Variants in POU2F2 observed in about 807,000 individuals in gnomAD.
POU2F2 encodes the protein POU domain, class 2, transcription factor 2.
In POU2F2, 14 loss-of-function variants were observed where a neutral mutation model predicts 63.5. The ratio of observed to expected loss-of-function variants is 0.22; its 90% confidence interval spans 0.15 to 0.34. POU2F2 has a LOEUF of 0.34. Among genes scored for constraint, POU2F2 ranks in the 10% least tolerant of loss-of-function variants. POU2F2 has a pLI of 1.00. For missense variants in POU2F2, 607 were observed against 815.2 expected (o/e 0.74, Z 3.11); for synonymous variants, 306 against 348.6 (o/e 0.88, Z 1.36).
intron 1 of POU2F2, among the ~76,000 whole-genome samples, chr19:42,174,115 T>C (rs2034824798): frequency 6.6e-6 from 1 of 152,086 alleles, no homozygotes; most frequent in African/African-American, 2.4e-5. Flanking sequence ...AACTCAGCCA[T>C]ACGCCCGCGA....
intron 5 of POU2F2, among the ~76,000 whole-genome samples, chr19:42,103,827 G>C (rs2077234853): frequency 6.6e-6 from 1 of 151,700 alleles, no homozygotes; most frequent in Non-Finnish European, 1.5e-5. Context: ...TAGAGACGAG[G>C]TTTCACCGTG....
chr19:42,099,212 T>G, intron 7 of POU2F2: 3 of 296,560 alleles, frequency 1.0e-5, no homozygotes, highest in Non-Finnish European at 1.3e-5. Flanking sequence ...CCCCTTGCAA[T>G]TTTGTGTGTT....
At chr19:42,142,706 G>A (rs1203966022) in intron 2 of POU2F2, among the ~76,000 whole-genome samples, 1 of 152,118 alleles carries the variant, frequency 6.6e-6, no homozygotes, top group East Asian at 1.9e-4. Flanking sequence ...GGGACCAAAG[G>A]CACATGCTAC....
chr19:42,122,541 G>T lies in POU2F2; in HGVS notation c.64C>A (p.Gln22Lys). 1 of 1,605,316 alleles carries T rather than the reference G, an allele frequency of 6.2e-7. No individual in the cohort carries two copies. ...TGCTCTGATGGGGAGTCCAGACCTT[G>T]CTTCTCGGCCTCCAGGGGCTTAGAC... Reference protein sequence around the residue: ...RMSKPLEAEKQGLDSPSEHTD... With the variant: ...RMSKPLEAEKKGLDSPSEHTD... The change falls in exon 2 of 15, where the codon CAA becomes AAA. Residue 22 changes from glutamine (Q) to lysine (K), a missense_variant. Coordinates refer to ENST00000692977, the MANE Select transcript of POU2F2 (RefSeq NM_001394376.1).
chr19:42,107,020 C>T (rs1353843890), intron 5 of POU2F2, among the ~76,000 whole-genome samples: 1 of 151,690 alleles, frequency 6.6e-6, no homozygotes, highest in Non-Finnish European at 1.5e-5. Context: ...AGGGAGACAC[C>T]CGTCTCCAAA....
At position 42,095,529 on chromosome 19, in the gene POU2F2, G is replaced by A. The variant is rs557141601; in HGVS notation, c.1020+16C>T. ...CACCCCTCAGGTGAGGGCCACCCAG[G>A]AGAGGGGGGCCTCACCGCTAGAAAA... On this transcript the variant is annotated intron_variant, in intron 10 of 14. Transcript: ENST00000692977. This position sits in a 1 kb window ranked among gnomAD's most constrained non-coding sequence, Gnocchi z 7.1. 1.9e-6 allele frequency: 3 copies of A among 1,601,084 alleles called. No individual in the cohort carries two copies. Among genetic ancestry groups the A allele is most frequent in the East Asian group, 4.5e-5 (2 of 44,634 alleles).
At chr19:42,191,688 G>A (rs1162369096) in intron 1 of POU2F2, among the ~76,000 whole-genome samples, 1 of 152,174 alleles carries the variant, frequency 6.6e-6, no homozygotes, top group African/African-American at 2.4e-5. Flanking sequence ...GAAAACAGAG[G>A]GATCAAGGGA....
intron 1 of POU2F2, among the ~76,000 whole-genome samples, chr19:42,183,706 G>A (rs115157618): frequency 4.3e-4 from 65 of 152,302 alleles, no homozygotes; most frequent in African/African-American, 1.5e-3. Flanking sequence ...AGTGACGGAA[G>A]GCTTCTGAGA....
chr19:42,100,496 A>G (rs372502430), intron 5 of POU2F2, among the ~76,000 whole-genome samples: 2 of 152,076 alleles, frequency 1.3e-5, no homozygotes, highest in South Asian at 4.1e-4. Flanking sequence ...CATGCCTGTA[A>G]TCCCAGCAAT....
At chr19:42,192,756 C>A (rs1047936264) in intron 1 of POU2F2, among the ~76,000 whole-genome samples, 3 of 152,064 alleles carry the variant, frequency 2.0e-5, no homozygotes, top group African/African-American at 7.2e-5. Context: ...GAAAAGTAAA[C>A]CACAATGATA....
intron 1 of POU2F2, among the ~76,000 whole-genome samples, chr19:42,163,267 C>G (rs2034586660): frequency 6.6e-6 from 1 of 152,066 alleles, no homozygotes; most frequent in African/African-American, 2.4e-5. Flanking sequence ...CTTCTGTGGC[C>G]ACCTGCTCCC....
At chr19:42,197,111 TA>T (rs1195809454), upstream of POU2F2, among the ~76,000 whole-genome samples, 2 of 152,118 alleles carry the variant, frequency 1.3e-5, no homozygotes, top group African/African-American at 2.4e-5. Flanking sequence ...TAACCCCACC[TA>T]GAGGAGAGCC....
intron 1 of POU2F2, among the ~76,000 whole-genome samples, chr19:42,130,176 T>C (rs2033582084): frequency 6.6e-6 from 1 of 151,924 alleles, no homozygotes; most frequent in East Asian, 1.9e-4. Flanking sequence ...CCCTACATAC[T>C]ACACCCAGTC....
Position 42,091,599 on chromosome 19 carries a change from G to GGAGA in POU2F2, c.1541-12_1541-9dup, listed in dbSNP as rs756588716. On this transcript the variant is annotated splice_polypyrimidine_tract_variant and intron_variant, in intron 14 of 14. Transcript: ENST00000692977. ...TTCCACCAGAGGCCAGGGCTGGCGG[G>GGAGA]GAGAGAGAGAGGCTGGGCTAAGGGC... 1 of 1,544,240 alleles carries GGAGA rather than the reference G, an allele frequency of 6.5e-7. No individual in the cohort carries two copies. The highest frequency in any genetic ancestry group is 8.8e-7 in the Non-Finnish European group (1 of 1,142,214).
chr19:42,188,592 A>G, intron 1 of POU2F2, among the ~76,000 whole-genome samples: 2 of 148,260 alleles, frequency 1.3e-5, no homozygotes, highest in Non-Finnish European at 3.0e-5. Context: ...AATTGCTTGA[A>G]CCCAGGAGGC....
At chr19:42,132,313 C>G in intron 1 of POU2F2, 71 bp downstream of exon 1, 1 of 1,538,672 alleles carries the variant, frequency 6.5e-7, no homozygotes. Flanking sequence ...GAGGGGCAGG[C>G]AGGGCCCGCA....
chr19:42,171,968 T>C (rs1001399985), intron 1 of POU2F2, among the ~76,000 whole-genome samples: 13 of 152,306 alleles, frequency 8.5e-5, no homozygotes, highest in African/African-American at 2.4e-4. Flanking sequence ...GTGTGTGTGA[T>C]TGCAGGCATA....
At chr19:42,167,463 CAA>C (rs759561409) in intron 1 of POU2F2, among the ~76,000 whole-genome samples, 9 of 121,006 alleles carry the variant, frequency 7.4e-5, no homozygotes, top group Admixed American at 8.3e-5. Flanking sequence ...CCCCAAACTC[CAA>C]AAAAAAAAAA....
chr19:42,116,887 G>A, intron 5 of POU2F2: 1 of 472,914 alleles, frequency 2.1e-6, no homozygotes, highest in Admixed American at 2.5e-5. Flanking sequence ...GGCGGCGGCG[G>A]CGGCGGCAGC....
Sources: allele counts gnomAD v4.1 joint callset (sites outside exome capture counted in the v4.1 genomes callset), GRCh38; gene constraint gnomAD v4.1.1; non-coding constraint Gnocchi (gnomAD v3.1); transcripts MANE v1.5; gene names NCBI Gene and HGNC (gene_info 2026-07-23, HGNC 2026-07-21).